The following CACNA1C variants were observed in gnomAD, a reference collection of about 807,000 sequenced individuals.
The protein encoded by CACNA1C is calcium voltage-gated channel subunit alpha1 C, also known as voltage-dependent L-type calcium channel subunit alpha-1C.
Under a neutral mutation model 229.0 loss-of-function variants are expected in CACNA1C, and 30 were observed. The ratio of observed to expected loss-of-function variants is 0.13; its 90% CI spans 0.10 to 0.18. The LOEUF is 0.18. Among genes scored for constraint, CACNA1C ranks in the 10% least tolerant of loss-of-function variants. The pLI is 1.00. For missense variants in CACNA1C, 1,658 were observed against 2,845.0 expected (o/e 0.58, Z 9.49); for synonymous variants, 1,114 against 1,132.5 (o/e 0.98, Z 0.33).
Position 2,575,954 on chromosome 12 carries a change from C to T in CACNA1C, c.1896-5636C>T, listed in dbSNP as rs1168722806. ...TTCCACAGAGCCCCAAACCCAGAGA[C>T]AGACCTAGAGACGGGGAAACAAATG... On this transcript the variant is annotated intron_variant, in intron 13 of 46. Coordinates refer to ENST00000399655, the MANE Select transcript of CACNA1C (RefSeq NM_000719.7). The surrounding 1 kb of genome is among the most constrained non-coding windows in gnomAD (Gnocchi z 4.0). Among the ~76,000 whole-genome samples the T allele has an allele frequency of 1.3e-5, 2 of 152,130 alleles. No homozygotes were observed. Among genetic ancestry groups the T allele is most frequent in the Admixed American group, 6.6e-5 (1 of 15,266 alleles).
rs185840267 is a variant in CACNA1C, at chr12:2,354,273, C to T, written c.478-94703C>T. Among the ~76,000 whole-genome samples the T allele has an allele frequency of 4.4e-4, 67 of 152,322 alleles. No homozygotes were observed. In the East Asian group the frequency reaches 0.012, roughly 27 times the overall value. On this transcript the variant is annotated intron_variant, in intron 3 of 46. Transcript: ENST00000399655. The surrounding 1 kb of genome is among the most constrained non-coding windows in gnomAD (Gnocchi z 4.6). ...ACCTGGCTCTCTTGCCTAAGCCTGT[C>T]ACAGAAGCCCTGCAGAGCAGGAAAC... is the stretch of plus-strand genomic sequence containing the variant.
intron 3 of CACNA1C, among the ~76,000 whole-genome samples, chr12:2,372,157 G>C (rs1044840885): frequency 3.9e-5 from 6 of 152,128 alleles, no homozygotes; most frequent in Non-Finnish European, 7.4e-5. Context: ...CCACAGATGG[G>C]ACCCCCAAGT....
chr12:2,550,712 C>T, intron 10 of CACNA1C: 3 of 1,275,102 alleles, frequency 2.4e-6, no homozygotes, highest in Non-Finnish European at 3.1e-6. Flanking sequence ...GGCAGGGCGG[C>T]ATCTCCCTTC....
At chr12:2,333,382 T>A (rs1266014795) in intron 3 of CACNA1C, among the ~76,000 whole-genome samples, 1 of 152,194 alleles carries the variant, frequency 6.6e-6, no homozygotes, top group Non-Finnish European at 1.5e-5. Flanking sequence ...CTGGGGGCGC[T>A]GGCCCCCACG....
chr12:2,306,758 GC>G (rs1354920681), intron 3 of CACNA1C, among the ~76,000 whole-genome samples: 4 of 152,212 alleles, frequency 2.6e-5, no homozygotes, highest in Non-Finnish European at 5.9e-5. Context: ...AAGTTGATGT[GC>G]CACAGGATTT....
At chr12:2,557,183 T>A (rs2154592603) in intron 11 of CACNA1C, among the ~76,000 whole-genome samples, 1 of 152,354 alleles carries the variant, frequency 6.6e-6, no homozygotes, top group Non-Finnish European at 1.5e-5. Flanking sequence ...ATTTGTTGAA[T>A]GATCTTGGAC....
intron 3 of CACNA1C, among the ~76,000 whole-genome samples, chr12:2,169,534 A>G (rs2096388258): frequency 6.6e-6 from 1 of 152,158 alleles, no homozygotes. Flanking sequence ...CCAAGCTTGT[A>G]GACATGGTGT....
At chr12:2,438,855 G>T (rs1345826928) in intron 3 of CACNA1C, among the ~76,000 whole-genome samples, 4 of 152,072 alleles carry the variant, frequency 2.6e-5, no homozygotes, top group African/African-American at 7.2e-5. Flanking sequence ...CCTGTTCCCT[G>T]GGCCAGGTGT....
chr12:2,206,872 A>G (rs1185763179), intron 3 of CACNA1C, among the ~76,000 whole-genome samples: 1 of 152,238 alleles, frequency 6.6e-6, no homozygotes, highest in African/African-American at 2.4e-5. Context: ...TGGATTTTTA[A>G]TACCCATGCT....
chr12:2,631,600 C>G lies in CACNA1C; in HGVS notation c.3829-2697C>G, dbSNP rs183690751. Among the ~76,000 whole-genome samples, 5 of 152,312 alleles carry G rather than the reference C, an allele frequency of 3.3e-5. No individual in the cohort carries two copies. The East Asian group carries it at 9.6e-4, about 29-fold the overall frequency. ...AACCTGAGAGCGAATTGGTTATTTC[C>G]TGCTCATAGCATGTGACTTAAATGG... On this transcript the variant is annotated intron_variant, in intron 29 of 46. Transcript: ENST00000399655.
At chr12:2,476,992 A>G (rs1473631357) in intron 5 of CACNA1C, among the ~76,000 whole-genome samples, 2 of 152,256 alleles carry the variant, frequency 1.3e-5, no homozygotes, top group Non-Finnish European at 2.9e-5. Context: ...GCTCAGCTTG[A>G]TAAACTTACT....
At chr12:2,498,135 C>T (rs1015799000) in intron 7 of CACNA1C, among the ~76,000 whole-genome samples, 7 of 152,204 alleles carry the variant, frequency 4.6e-5, no homozygotes, top group African/African-American at 1.7e-4. Flanking sequence ...AAAGCCACCT[C>T]CTTTCACTGC....
In CACNA1C at chr12:2,277,358, GACAGACACACACACACACACACACAC is replaced by G. The variant is rs1250712684; in HGVS notation, c.477+156932_477+156957del. On this transcript the variant is annotated intron_variant, in intron 3 of 46. Transcript: ENST00000399655. ...AGACAGACAGACAGACAGACAGACA[GACAGACACACACACACACACACACAC>G]ACACACACACACACACACACACACA... is the stretch of plus-strand genomic sequence containing the variant. 3.1e-3 allele frequency among the ~76,000 whole-genome samples: 256 copies of G among 83,048 alleles called. 2 individuals are homozygous for G. Among genetic ancestry groups the G allele is most frequent in the South Asian group, 6.5e-3 (15 of 2,324 alleles). The allele number at this position is 83,048 out of a possible 152,430, so 54.5% of individuals were successfully genotyped here. A position where few individuals can be genotyped will look rare whatever the true frequency, so the allele number is the denominator to read the frequency against.
intron 3 of CACNA1C, among the ~76,000 whole-genome samples, chr12:2,208,801 A>C (rs1003830831): frequency 6.6e-6 from 1 of 152,172 alleles, no homozygotes; most frequent in Non-Finnish European, 1.5e-5. Context: ...TATTTTACCC[A>C]ATAACAACAG....
chr12:2,113,644 C>T (rs1320251961), intron 1 of CACNA1C, among the ~76,000 whole-genome samples: 2 of 152,184 alleles, frequency 1.3e-5, no homozygotes, highest in Admixed American at 6.5e-5. Flanking sequence ...GCCAACCTCA[C>T]CGCCCACAGT....
At chr12:2,161,208 C>A (rs1318673534) in intron 3 of CACNA1C, among the ~76,000 whole-genome samples, 1 of 151,996 alleles carries the variant, frequency 6.6e-6, no homozygotes, top group Non-Finnish European at 1.5e-5. Context: ...GAATAATGAT[C>A]AATAACAGCT....
At chr12:2,154,688 T>C (rs2095463557) in intron 3 of CACNA1C, among the ~76,000 whole-genome samples, 1 of 152,190 alleles carries the variant, frequency 6.6e-6, no homozygotes, top group Non-Finnish European at 1.5e-5. Context: ...AACTGAAGCC[T>C]AGAACGCCCC....
intron 1 of CACNA1C, among the ~76,000 whole-genome samples, chr12:1,995,068 A>G (rs1016882183): frequency 2.6e-5 from 4 of 152,164 alleles, no homozygotes; most frequent in African/African-American, 9.7e-5. Flanking sequence ...AAAACAGCAA[A>G]GGATTTTTTT....
chr12:2,352,951 T>C (rs1269350252), intron 3 of CACNA1C, among the ~76,000 whole-genome samples: 1 of 152,220 alleles, frequency 6.6e-6, no homozygotes, highest in Non-Finnish European at 1.5e-5. Flanking sequence ...TTTCAACTTA[T>C]GAAGCATACA....
Sources: gnomAD v4.1 joint callset for allele counts (sites outside exome capture counted in the v4.1 genomes callset) on GRCh38, gnomAD v4.1.1 for gene constraint, Gnocchi (gnomAD v3.1) non-coding constraint, MANE v1.5 for transcripts, NCBI Gene and HGNC (gene_info 2026-07-23, HGNC 2026-07-21) for gene names.